Variants in PPP2R1A observed in about 807,000 individuals in gnomAD.
The protein encoded by PPP2R1A is serine/threonine-protein phosphatase 2A 65 kDa regulatory subunit A alpha isoform.
Under a neutral mutation model 67.1 loss-of-function variants are expected in PPP2R1A, and 15 were observed. The observed-to-expected ratio is 0.22, with a 90% CI of 0.15 to 0.34. The LOEUF (loss-of-function observed/expected upper bound fraction) is 0.34. Among genes scored for constraint, PPP2R1A ranks in the 10% least tolerant of loss-of-function variants. The pLI, the probability that PPP2R1A is intolerant of heterozygous loss-of-function variation, is 1.00. For missense variants in PPP2R1A, 369 were observed against 775.0 expected (o/e 0.48, Z 6.22); for synonymous variants, 337 against 325.0 (o/e 1.04, Z -0.40).
intron 1 of PPP2R1A, among the ~76,000 whole-genome samples, chr19:52,197,358 C>A (rs2089506053): frequency 6.6e-6 from 1 of 152,030 alleles, no homozygotes; most frequent in South Asian, 2.1e-4. Context: ...ATTCATGGCA[C>A]CACCCCACCC....
intron 6 of PPP2R1A, among the ~76,000 whole-genome samples, chr19:52,214,648 T>G (rs1387410886): frequency 6.6e-6 from 1 of 152,200 alleles, no homozygotes; most frequent in Non-Finnish European, 1.5e-5. Context: ...CTACCAGGTC[T>G]TCAGGAACCA....
intron 2 of PPP2R1A, among the ~76,000 whole-genome samples, chr19:52,203,043 A>G (rs2089567244): frequency 6.6e-6 from 1 of 152,224 alleles, no homozygotes; most frequent in Admixed American, 6.5e-5. Context: ...ACTTATTACC[A>G]GCTGAAATCA....
chr19:52,199,050 A>G (rs2089522817), intron 1 of PPP2R1A, among the ~76,000 whole-genome samples: 1 of 152,222 alleles, frequency 6.6e-6, no homozygotes, highest in South Asian at 2.1e-4. Context: ...GCCCATGTGT[A>G]TATTTCCCCA....
chr19:52,206,108 G>T, intron 3 of PPP2R1A, 45 bp downstream of exon 3: 5 of 1,566,656 alleles, frequency 3.2e-6, no homozygotes, highest in Non-Finnish European at 4.4e-6. Context: ...CTTAGGGTCG[G>T]CCCATGGTCC....
chr19:52,223,854 GC>G (rs2122375798), intron 13 of PPP2R1A, among the ~76,000 whole-genome samples: 1 of 152,268 alleles, frequency 6.6e-6, no homozygotes, highest in East Asian at 1.9e-4. Flanking sequence ...CTGTGAAACA[GC>G]CCTTCCACTC....
At chr19:52,220,954 C>A (rs147144114) in intron 11 of PPP2R1A, 25 bp from the exon 12 acceptor site, 23 of 1,612,944 alleles carry the variant, frequency 1.4e-5, no homozygotes, top group Non-Finnish European at 1.9e-5. Flanking sequence ...AAATCCCTGT[C>A]TCTCTCACCC....
In PPP2R1A at chr19:52,229,444, GA is replaced by G. The variant is rs909662860; in HGVS notation, c.*3471del. ...AGGGTGACAGAGCAAGACCCCATAT[GA>G]AAAAAAATAATAATTCAGGAACTTG... On this transcript the variant is annotated 3_prime_UTR_variant, in exon 15 of 15. Coordinates refer to ENST00000322088, the MANE Select transcript of PPP2R1A (RefSeq NM_014225.6). 6 of 151,880 alleles carry G rather than the reference GA, an allele frequency of 4.0e-5. No individual in the cohort carries two copies. The highest frequency in any genetic ancestry group is 6.6e-5 in the Admixed American group (1 of 15,218). 9.4% of individuals were successfully genotyped at this position (151,880 alleles called of 1,614,324 possible).
intron 12 of PPP2R1A, 146 bp from the exon 13 acceptor site, chr19:52,221,953 G>C: frequency 1.4e-6 from 1 of 718,474 alleles, no homozygotes; most frequent in Non-Finnish European, 2.2e-6. Context: ...GTGGAGTTGG[G>C]AGATTCACTC....
At position 52,215,829 on chromosome 19, in the gene PPP2R1A, C is replaced by T. The variant is rs1978535720; in HGVS notation, c.858C>T (p.Ala286=). 8 of 1,613,964 alleles carry T rather than the reference C, an allele frequency of 5.0e-6. No individual in the cohort carries two copies. Among genetic ancestry groups the T allele is most frequent in the Non-Finnish European group, 6.8e-6 (8 of 1,179,952 alleles). The change falls in exon 7 of 15, where the codon GCC becomes GCT. Residue 286 remains alanine (A), a synonymous_variant. Coordinates refer to ENST00000322088, the MANE Select transcript of PPP2R1A (RefSeq NM_014225.6). The part of the protein sequence containing the change: ...PEITKTDLVP[A]FQNLMKDCEA... ...TCACCAAGACAGACCTGGTCCCTGCCTTCCAGAACCTGATGAAAGACTGTG... is the reference window on the plus strand; with the variant it reads ...TCACCAAGACAGACCTGGTCCCTGCTTTCCAGAACCTGATGAAAGACTGTG...
In PPP2R1A at chr19:52,212,795, A is replaced by G. The variant is rs1411009783; in HGVS notation, c.613A>G (p.Ile205Val). 6.2e-7 allele frequency: 1 copy of G among 1,612,422 alleles called. No homozygotes were observed. Among genetic ancestry groups the G allele is most frequent in the Non-Finnish European group, 8.5e-7 (1 of 1,179,094 alleles). ...GGAGCTGGACAACGTCAAGAGTGAG[A>G]TCATCCCCATGTTCTCCAACCTGGC... ...VLELDNVKSE[I>V]IPMFSNLASD... Residue 205 changes from isoleucine to valine, a missense_variant, in exon 5 of 15, where the codon ATC becomes GTC. Physicochemically the swap from Ile to Val is conservative, Grantham distance 29. Around this residue, in one of 2 missense-constraint regions of PPP2R1A, gnomAD observed 276 missense variants for 508.4 expected, o/e 0.54. Transcript: ENST00000322088. The surrounding 1 kb of genome is among the most constrained non-coding windows in gnomAD (Gnocchi z 4.1).
Position 52,211,139 on chromosome 19 carries a change from G to C in PPP2R1A, c.271-121G>C. Reference sequence around the variant, plus strand: ...TTTAAAGGCTATTTTAATGAAGGTCGGGATGGGTAATAGGGAAGTTTTCTC... The same window carrying C: ...TTTAAAGGCTATTTTAATGAAGGTCCGGATGGGTAATAGGGAAGTTTTCTC... On this transcript the variant is annotated intron_variant, in intron 3 of 14. Coordinates refer to ENST00000322088, the MANE Select transcript of PPP2R1A (RefSeq NM_014225.6). The surrounding 1 kb of genome is among the most constrained non-coding windows in gnomAD (Gnocchi z 5.3). 1 of 843,238 alleles carries C rather than the reference G, an allele frequency of 1.2e-6. No homozygotes were observed. The highest frequency in any genetic ancestry group is 1.8e-6 in the Non-Finnish European group (1 of 546,722). 52.2% of individuals were successfully genotyped at this position (843,238 alleles called of 1,614,324 possible). A position where few individuals can be genotyped will look rare whatever the true frequency, so the allele number is the denominator to read the frequency against.
At chr19:52,207,136 A>G (rs2089612038) in intron 3 of PPP2R1A, among the ~76,000 whole-genome samples, 1 of 152,200 alleles carries the variant, frequency 6.6e-6, no homozygotes, top group Non-Finnish European at 1.5e-5. Flanking sequence ...GTGCGTATGG[A>G]CACACAGAAA....
intron 1 of PPP2R1A, among the ~76,000 whole-genome samples, chr19:52,197,724 C>T (rs1170228323): frequency 6.6e-6 from 1 of 152,092 alleles, no homozygotes; most frequent in Non-Finnish European, 1.5e-5. Context: ...AAATATGAAT[C>T]CATAGTACTG....
intron 3 of PPP2R1A, among the ~76,000 whole-genome samples, chr19:52,209,385 C>T (rs775888858): frequency 6.6e-6 from 1 of 152,180 alleles, no homozygotes; most frequent in Non-Finnish European, 1.5e-5. Context: ...CTTGAGACGT[C>T]ACGATAGCAT....
At chr19:52,218,573 T>C (rs914471170) in intron 9 of PPP2R1A, among the ~76,000 whole-genome samples, 5 of 152,210 alleles carry the variant, frequency 3.3e-5, no homozygotes, top group African/African-American at 1.2e-4. Context: ...TTTATCTGAG[T>C]TATGCTTCAC....
At chr19:52,221,355 G>A (rs182435188) in intron 12 of PPP2R1A, among the ~76,000 whole-genome samples, 1 of 152,258 alleles carries the variant, frequency 6.6e-6, no homozygotes, top group Admixed American at 6.5e-5. Context: ...GGATGGTGAG[G>A]GACCCAGGGC....
At chr19:52,220,554 G>C (rs1408089591) in intron 11 of PPP2R1A, among the ~76,000 whole-genome samples, 2 of 152,148 alleles carry the variant, frequency 1.3e-5, no homozygotes, top group African/African-American at 2.4e-5. Context: ...TGCTGTCTTT[G>C]AATGAGCCCC....
At chr19:52,223,438 G>T (rs914081391) in intron 13 of PPP2R1A, among the ~76,000 whole-genome samples, 2 of 152,174 alleles carry the variant, frequency 1.3e-5, no homozygotes. Context: ...AGCATTTTGA[G>T]AGTAAAATGC....
chr19:52,212,552 G>A lies in PPP2R1A; in HGVS notation c.504-134G>A. 1.9e-6 allele frequency: 2 copies of A among 1,075,692 alleles called. No homozygotes were observed. The highest frequency in any genetic ancestry group is 2.6e-6 in the Non-Finnish European group (2 of 756,768). The allele number at this position is 1,075,692 out of a possible 1,614,324, so 66.6% of individuals were successfully genotyped here. A position where few individuals can be genotyped will look rare whatever the true frequency, so the allele number is the denominator to read the frequency against. On this transcript the variant is annotated intron_variant, in intron 4 of 14. Coordinates refer to ENST00000322088, the MANE Select transcript of PPP2R1A (RefSeq NM_014225.6). This position sits in a 1 kb window ranked among gnomAD's most constrained non-coding sequence, Gnocchi z 4.1. ...CTATCAGCTCCGTTTCATAGGGCTG[G>A]GAAGACAGAGAGGGGGTCATCACTT...
Sources: allele counts gnomAD v4.1 joint callset (sites outside exome capture counted in the v4.1 genomes callset), GRCh38; gene constraint gnomAD v4.1.1; regional missense constraint gnomAD v4.1.1; non-coding constraint Gnocchi (gnomAD v3.1); transcripts MANE v1.5; gene names NCBI Gene and HGNC (gene_info 2026-07-23, HGNC 2026-07-21).